Variants in CDK14 observed in about 807,000 individuals in gnomAD.
CDK14 encodes cyclin dependent kinase 14.
A neutral mutation model predicts 60.7 loss-of-function variants in CDK14; 34 were observed. The observed-to-expected ratio is 0.56, with a 90% CI of 0.43 to 0.75. The LOEUF (loss-of-function observed/expected upper bound fraction) is 0.75. Among genes scored for constraint, CDK14 ranks in the 30% least tolerant of loss-of-function variants. The pLI is 0.00. For missense variants in CDK14, 482 were observed against 564.1 expected (o/e 0.85, Z 1.47); for synonymous variants, 197 against 203.7 (o/e 0.97, Z 0.28).
chr7:90,764,723 TGA>T (rs1482166803), intron 4 of CDK14, among the ~76,000 whole-genome samples: 2 of 152,244 alleles, frequency 1.3e-5, no homozygotes, highest in African/African-American at 4.8e-5. Context: ...TCTAGAGTTC[TGA>T]GGAAACAGAC....
rs931138401 is a variant in CDK14, at chr7:91,191,705, G to T, written c.*29-15460G>T. Among the ~76,000 whole-genome samples the T allele has an allele frequency of 1.2e-4, 19 of 152,078 alleles. 1 individual carries two copies. The highest frequency in any genetic ancestry group is 8.5e-4 in the Admixed American group (13 of 15,244). On this transcript the variant is annotated intron_variant, in intron 14 of 14. Transcript: ENST00000380050. The stretch of plus-strand genomic sequence containing the variant: ...GGAAAGGGGAAATGTGAAGCTTCAA[G>T]AAGGGGAAATGAGGAATGGTCTTCT...
At chr7:91,110,656 T>C (rs1042344582) in intron 12 of CDK14, among the ~76,000 whole-genome samples, 2 of 152,234 alleles carry the variant, frequency 1.3e-5, no homozygotes, top group African/African-American at 4.8e-5. Context: ...TGTAACAACA[T>C]ACAGTTTGGG....
chr7:90,677,488 A>T (rs1478942547), intron 2 of CDK14, among the ~76,000 whole-genome samples: 1 of 152,148 alleles, frequency 6.6e-6, no homozygotes, highest in African/African-American at 2.4e-5. Flanking sequence ...AAATAGAGAG[A>T]TGTTTGTAAA....
At chr7:90,653,839 C>T (rs961269251) in intron 2 of CDK14, among the ~76,000 whole-genome samples, 4 of 152,068 alleles carry the variant, frequency 2.6e-5, no homozygotes, top group Admixed American at 2.0e-4. Context: ...GATGACAGGC[C>T]CCAGTGTGTG....
chr7:90,703,014 G>GTT (rs36009289), intron 2 of CDK14, among the ~76,000 whole-genome samples: 177 of 147,564 alleles, frequency 1.2e-3, no homozygotes, highest in East Asian at 9.2e-3. Flanking sequence ...TGTTGTTGTT[G>GTT]TTTTGTTTTT....
chr7:90,885,911 G>C (rs994153310), intron 6 of CDK14, among the ~76,000 whole-genome samples: 34 of 152,164 alleles, frequency 2.2e-4, no homozygotes, highest in Non-Finnish European at 1.2e-4. Flanking sequence ...GCCTGTTGGG[G>C]TGGAGGGTGA....
intron 8 of CDK14, among the ~76,000 whole-genome samples, chr7:90,922,231 C>G (rs906115652): frequency 6.6e-6 from 1 of 152,148 alleles, no homozygotes; most frequent in Non-Finnish European, 1.5e-5. Flanking sequence ...CTGTATCTTT[C>G]TTTTAGAATA....
intron 14 of CDK14, among the ~76,000 whole-genome samples, chr7:91,120,988 G>A (rs1249230795): frequency 6.6e-6 from 1 of 152,172 alleles, no homozygotes; most frequent in Admixed American, 6.5e-5. Flanking sequence ...AGCAGAAAAA[G>A]AAATTATTTT....
At chr7:90,751,305 A>G (rs186556555) in intron 4 of CDK14, among the ~76,000 whole-genome samples, 123 of 152,338 alleles carry the variant, frequency 8.1e-4, no homozygotes, top group Non-Finnish European at 1.4e-3. Context: ...AGGGAACACC[A>G]TTAAGCTAAC....
chr7:90,812,863 T>A (rs1241422568), intron 5 of CDK14, among the ~76,000 whole-genome samples: 1 of 152,158 alleles, frequency 6.6e-6, no homozygotes, highest in Non-Finnish European at 1.5e-5. Flanking sequence ...TGACTGTTTT[T>A]TAAAGGTTAA....
At chr7:90,873,377 T>C (rs1364889304) in intron 6 of CDK14, among the ~76,000 whole-genome samples, 2 of 152,226 alleles carry the variant, frequency 1.3e-5, no homozygotes, top group Non-Finnish European at 2.9e-5. Flanking sequence ...TTATTATATA[T>C]CATACAAAAC....
intron 3 of CDK14, among the ~76,000 whole-genome samples, chr7:90,746,672 A>T (rs1393833056): frequency 6.6e-6 from 1 of 152,194 alleles, no homozygotes; most frequent in African/African-American, 2.4e-5. Context: ...ATGCTTCTCC[A>T]CCATGGAGGA....
At chr7:90,775,248 A>C (rs1485312125) in intron 4 of CDK14, among the ~76,000 whole-genome samples, 2 of 152,188 alleles carry the variant, frequency 1.3e-5, no homozygotes, top group Non-Finnish European at 2.9e-5. Context: ...GCAATGATTC[A>C]TTCTCATCGC....
At chr7:90,883,111 A>T (rs1365816008) in intron 6 of CDK14, among the ~76,000 whole-genome samples, 2 of 140,038 alleles carry the variant, frequency 1.4e-5, no homozygotes, top group Non-Finnish European at 3.1e-5. Flanking sequence ...ATTGAAGGAG[A>T]TAGAGACACA....
At chr7:90,695,185 A>T (rs1347053264) in intron 2 of CDK14, among the ~76,000 whole-genome samples, 1 of 151,958 alleles carries the variant, frequency 6.6e-6, no homozygotes, top group Non-Finnish European at 1.5e-5. Flanking sequence ...CTTTCCCCAG[A>T]TTTCTTGTAG....
Position 90,904,268 on chromosome 7 carries a change from A to G in CDK14, c.702+4915A>G, listed in dbSNP as rs114809864. Reference sequence around the variant, plus strand: ...CCAAGACGACAGACCTGAAGAATCCAAGAAACTCTCCAGTGAAGACCCCAG... The same window carrying G: ...CCAAGACGACAGACCTGAAGAATCCGAGAAACTCTCCAGTGAAGACCCCAG... On this transcript the variant is annotated intron_variant, in intron 7 of 14. Coordinates refer to ENST00000380050, the MANE Select transcript of CDK14 (RefSeq NM_001287135.2). Among the ~76,000 whole-genome samples, 304 of 152,272 alleles carry G rather than the reference A, an allele frequency of 2.0e-3. 1 individual carries two copies. Among genetic ancestry groups the G allele is most frequent in the African/African-American group, 7.1e-3 (293 of 41,560 alleles).
intron 2 of CDK14, among the ~76,000 whole-genome samples, chr7:90,621,655 T>TCCTTCCTG (rs1554421120): frequency 9.0e-6 from 1 of 111,650 alleles, no homozygotes; most frequent in Non-Finnish European, 1.9e-5. Context: ...CTTCCTTCCT[T>TCCTTCCTG]CCTTCCTTCC....
intron 7 of CDK14, among the ~76,000 whole-genome samples, chr7:90,917,118 T>C (rs1333017769): frequency 6.6e-6 from 1 of 152,220 alleles, no homozygotes; most frequent in Admixed American, 6.5e-5. Context: ...TATCTTTCCA[T>C]TCCTTAAAGC....
intron 11 of CDK14, among the ~76,000 whole-genome samples, chr7:91,076,612 G>A (rs1282955170): frequency 6.6e-6 from 1 of 152,072 alleles, no homozygotes; most frequent in Non-Finnish European, 1.5e-5. Context: ...TGACAAAAAT[G>A]CCAAAAGCAA....
Sources: gnomAD v4.1 joint callset for allele counts (sites outside exome capture counted in the v4.1 genomes callset) on GRCh38, gnomAD v4.1.1 for gene constraint, MANE v1.5 for transcripts, NCBI Gene and HGNC (gene_info 2026-07-23, HGNC 2026-07-21) for gene names.